Variants in CNTNAP5 observed in about 807,000 individuals in gnomAD.
CNTNAP5 encodes the protein contactin associated protein family member 5.
In CNTNAP5, 72 loss-of-function variants were observed where a neutral mutation model predicts 150.2. The ratio of observed to expected loss-of-function variants is 0.48; its 90% CI spans 0.40 to 0.58. The LOEUF is 0.58. Among genes scored for constraint, CNTNAP5 ranks in the 20% least tolerant of loss-of-function variants. The pLI is 0.00. For missense variants in CNTNAP5, 1,636 were observed against 1,626.2 expected (o/e 1.01, Z -0.10); for synonymous variants, 672 against 619.8 (o/e 1.08, Z -1.25).
intron 10 of CNTNAP5, among the ~76,000 whole-genome samples, chr2:124,554,638 T>C (rs1337341422): frequency 6.6e-6 from 1 of 152,072 alleles, no homozygotes; most frequent in Non-Finnish European, 1.5e-5. Flanking sequence ...TCCAGACTTA[T>C]CTTGAACACC....
intron 1 of CNTNAP5, among the ~76,000 whole-genome samples, chr2:124,199,090 A>G (rs1184990912): frequency 6.6e-6 from 1 of 150,796 alleles, no homozygotes; most frequent in Non-Finnish European, 1.5e-5. Context: ...TCTTCTCATT[A>G]TTTTCTTCTT....
chr2:124,626,528 A>C (rs1271138610), intron 12 of CNTNAP5, among the ~76,000 whole-genome samples: 1 of 152,118 alleles, frequency 6.6e-6, no homozygotes, highest in Non-Finnish European at 1.5e-5. Flanking sequence ...GCTACCTGCC[A>C]AGGGTACTAT....
At chr2:124,199,053 A>G (rs1338810119) in intron 1 of CNTNAP5, among the ~76,000 whole-genome samples, 16 of 152,148 alleles carry the variant, frequency 1.1e-4, no homozygotes, top group Admixed American at 1.0e-3. Context: ...ACAGATTTCT[A>G]TAATTCCTTA....
At chr2:124,479,631 C>T (rs1350664232) in intron 7 of CNTNAP5, among the ~76,000 whole-genome samples, 4 of 152,090 alleles carry the variant, frequency 2.6e-5, no homozygotes, top group East Asian at 1.9e-4. Context: ...ATTGGATGGG[C>T]GATGGCCAAT....
chr2:124,506,581 G>T (rs1694412021), intron 8 of CNTNAP5, among the ~76,000 whole-genome samples: 1 of 152,122 alleles, frequency 6.6e-6, no homozygotes, highest in African/African-American at 2.4e-5. Context: ...TAGCAGAAAG[G>T]CCTGAGTCTG....
intron 13 of CNTNAP5, among the ~76,000 whole-genome samples, chr2:124,718,279 G>T (rs897540514): frequency 6.6e-6 from 1 of 152,068 alleles, no homozygotes; most frequent in Non-Finnish European, 1.5e-5. Flanking sequence ...GTTCTATCTG[G>T]GTAGAGGGCA....
intron 3 of CNTNAP5, among the ~76,000 whole-genome samples, chr2:124,354,094 AAG>A (rs1389042024): frequency 6.6e-6 from 1 of 152,184 alleles, no homozygotes; most frequent in Non-Finnish European, 1.5e-5. Context: ...AATAAAGAGA[AAG>A]AGACGCTATG....
Position 124,532,803 on chromosome 2 carries a change from G to A in CNTNAP5, c.1649+5347G>A, listed in dbSNP as rs532804845. 3.3e-5 allele frequency among the ~76,000 whole-genome samples: 5 copies of A among 152,274 alleles called. No individual in the cohort carries two copies. The South Asian group carries it at 6.2e-4, about 19-fold the overall frequency. On this transcript the variant is annotated intron_variant, in intron 10 of 23. Transcript: ENST00000682447. ...TGCTAAGAGTTGAATGAGAGAGTGCGAGAAAAATGAGAGTGTGCGAGAAGT... is the reference window on the plus strand; with the variant it reads ...TGCTAAGAGTTGAATGAGAGAGTGCAAGAAAAATGAGAGTGTGCGAGAAGT...
intron 3 of CNTNAP5, among the ~76,000 whole-genome samples, chr2:124,315,475 C>T (rs1054957531): frequency 6.6e-6 from 1 of 152,136 alleles, no homozygotes; most frequent in African/African-American, 2.4e-5. Flanking sequence ...GCAAGCAGAA[C>T]AAGGCTTCTG....
At chr2:124,811,706 C>CGGGGGG (rs70999221) in intron 19 of CNTNAP5, among the ~76,000 whole-genome samples, 1 of 136,646 alleles carries the variant, frequency 7.3e-6, no homozygotes, top group Non-Finnish European at 1.5e-5. Context: ...CTTTAGGAGG[C>CGGGGGG]GGGGGGGGTG....
At chr2:124,490,549 G>A (rs1481457359) in intron 7 of CNTNAP5, among the ~76,000 whole-genome samples, 1 of 151,978 alleles carries the variant, frequency 6.6e-6, no homozygotes, top group East Asian at 1.9e-4. Flanking sequence ...TCTTATGTAA[G>A]AAGTAAAACA....
intron 13 of CNTNAP5, among the ~76,000 whole-genome samples, chr2:124,657,614 C>T (rs1678486857): frequency 6.6e-6 from 1 of 152,190 alleles, no homozygotes; most frequent in Non-Finnish European, 1.5e-5. Flanking sequence ...GATTATATAA[C>T]CATGGCTCCA....
At chr2:124,627,195 A>T (rs902052646) in intron 12 of CNTNAP5, among the ~76,000 whole-genome samples, 1 of 151,960 alleles carries the variant, frequency 6.6e-6, no homozygotes, top group African/African-American at 2.4e-5. Flanking sequence ...AATGAGGAGG[A>T]TTCCCCCCAG....
chr2:124,158,063 A>T (rs956801660), intron 1 of CNTNAP5, among the ~76,000 whole-genome samples: 19 of 152,328 alleles, frequency 1.2e-4, no homozygotes, highest in Non-Finnish European at 2.1e-4. Flanking sequence ...GAGAGAATGA[A>T]GGGTCTTGTT....
At chr2:124,072,113 A>C (rs1682319637) in intron 1 of CNTNAP5, among the ~76,000 whole-genome samples, 1 of 152,074 alleles carries the variant, frequency 6.6e-6, no homozygotes, top group East Asian at 1.9e-4. Context: ...TCTTATCAGC[A>C]GAATGAAAGA....
intron 11 of CNTNAP5, among the ~76,000 whole-genome samples, chr2:124,565,662 C>T (rs373864082): frequency 1.4e-4 from 19 of 138,114 alleles, no homozygotes; most frequent in Admixed American, 4.8e-4. Context: ...TGCAGTGGCG[C>T]GATCTCGGCT....
At chr2:124,758,767 G>A (rs1573597954) in intron 14 of CNTNAP5, among the ~76,000 whole-genome samples, 1 of 152,040 alleles carries the variant, frequency 6.6e-6, no homozygotes, top group East Asian at 1.9e-4. Flanking sequence ...GAAGTTGAAG[G>A]TACAACATAA....
At chr2:124,713,309 TC>T (rs1558746889) in intron 13 of CNTNAP5, among the ~76,000 whole-genome samples, 11 of 81,606 alleles carry the variant, frequency 1.3e-4, no homozygotes, top group African/African-American at 3.8e-4. Flanking sequence ...TTCTTCTTTC[TC>T]TTTCTTTCCT....
chr2:124,486,315 A>C (rs537599164), intron 7 of CNTNAP5, among the ~76,000 whole-genome samples: 152 of 152,268 alleles, frequency 1.0e-3, no homozygotes, highest in Non-Finnish European at 1.6e-3. Flanking sequence ...GGGTGGCTGG[A>C]GGGTGAGGGA....
Sources: allele counts gnomAD v4.1 joint callset (sites outside exome capture counted in the v4.1 genomes callset), GRCh38; gene constraint gnomAD v4.1.1; transcripts MANE v1.5; gene names NCBI Gene and HGNC (gene_info 2026-07-23, HGNC 2026-07-21).